Variants in CD247 observed in about 807,000 individuals in gnomAD.
The protein encoded by CD247 is CD247 molecule.
In CD247, 13 loss-of-function variants were observed where a neutral mutation model predicts 30.0. That is an observed-to-expected ratio of 0.43 (90% CI 0.28 to 0.69). The LOEUF is 0.69. Ranked by LOEUF, CD247 falls within the 30% of genes least tolerant of loss-of-function variation. The probability of loss-of-function intolerance (pLI) is 0.16; values close to 1 mark genes in which losing one functional copy is unlikely to be tolerated. For missense variants in CD247, 193 were observed against 212.6 expected (o/e 0.91, Z 0.57); for synonymous variants, 72 against 80.0 (o/e 0.90, Z 0.53).
chr1:167,488,812 T>G (rs1286417190), intron 1 of CD247, among the ~76,000 whole-genome samples: 1 of 152,238 alleles, frequency 6.6e-6, no homozygotes, highest in Non-Finnish European at 1.5e-5. Context: ...TTTCTGCATG[T>G]GCGTGCGTGT....
In CD247 at chr1:167,434,087, G is replaced by T. The variant is rs768383234; in HGVS notation, c.337-11C>A. 1.5e-5 allele frequency: 24 copies of T among 1,612,986 alleles called. No homozygotes were observed. Among genetic ancestry groups the T allele is most frequent in the Non-Finnish European group, 2.0e-5 (23 of 1,179,034 alleles). On this transcript the variant is annotated splice_polypyrimidine_tract_variant and intron_variant, in intron 5 of 7. Coordinates refer to ENST00000362089, the MANE Select transcript of CD247 (RefSeq NM_198053.3). ...ATCTTTCTGCAGTTCCTGCAGAAGA[G>T]GGCGTGGAACACTGATTTTTACCAA...
chr1:167,448,092 C>A (rs1233417808), intron 1 of CD247, among the ~76,000 whole-genome samples: 3 of 152,150 alleles, frequency 2.0e-5, no homozygotes, highest in African/African-American at 7.2e-5. Flanking sequence ...GAATAACTAA[C>A]TTTCACTGCA....
rs1263959423 is a variant in CD247, at chr1:167,438,638, C to G, written c.232G>C (p.Gly78Arg). The G allele has an allele frequency of 1.2e-6, 2 of 1,613,752 alleles. No individual in the cohort carries two copies. Among genetic ancestry groups the G allele is most frequent in the Admixed American group, 1.7e-5 (1 of 60,034 alleles). Reference sequence around the variant, plus strand: ...AAAACATCGTACTCCTCTCTTCGTCCTAGATTGAGCTCCTATAACAGATAA... The same window carrying G: ...AAAACATCGTACTCCTCTCTTCGTCGTAGATTGAGCTCCTATAACAGATAA... ...QNQLYNELNL[G>R]RREEYDVLDK... Residue 78 changes from glycine to arginine, a missense_variant, in exon 4 of 8, where the codon GGA becomes CGA. Coordinates refer to ENST00000362089, the MANE Select transcript of CD247 (RefSeq NM_198053.3).
intron 1 of CD247, among the ~76,000 whole-genome samples, chr1:167,478,085 C>G (rs997583101): frequency 1.3e-5 from 2 of 152,198 alleles, no homozygotes; most frequent in Non-Finnish European, 2.9e-5. Flanking sequence ...GGCAAAGAAT[C>G]AAAAGGCCAG....
chr1:167,496,229 T>C (rs1342028786), intron 1 of CD247, among the ~76,000 whole-genome samples: 1 of 152,214 alleles, frequency 6.6e-6, no homozygotes, highest in Non-Finnish European at 1.5e-5. Context: ...GGTAGGTAGG[T>C]AGGCAGGTAG....
chr1:167,493,940 C>G (rs949344062), intron 1 of CD247, among the ~76,000 whole-genome samples: 8 of 152,134 alleles, frequency 5.3e-5, no homozygotes, highest in Non-Finnish European at 2.9e-5. Flanking sequence ...CACTGGAGAC[C>G]CAAAATACCC....
intron 1 of CD247, among the ~76,000 whole-genome samples, chr1:167,461,826 C>T (rs977089328): frequency 6.2e-5 from 7 of 113,546 alleles, no homozygotes; most frequent in Non-Finnish European, 1.5e-4. Context: ...CCAGCCTGGG[C>T]GACAGGCTCA....
chr1:167,481,660 G>A (rs1182121080), intron 1 of CD247, among the ~76,000 whole-genome samples: 1 of 152,228 alleles, frequency 6.6e-6, no homozygotes, highest in Non-Finnish European at 1.5e-5. Flanking sequence ...ATCCAGCAGT[G>A]AGCACAAGGG....
chr1:167,518,382 C>T (rs1655708163), intron 1 of CD247, 26 bp downstream of exon 1: 2 of 1,612,788 alleles, frequency 1.2e-6, no homozygotes, highest in Admixed American at 1.7e-5. Context: ...TCTAGAAGTT[C>T]CCTGCCGTCG....
rs749806496 is a variant in CD247, at chr1:167,431,673, CCTGGCTGTTAGCGAGGGGG to C, written c.484_*7del. The C allele has an allele frequency of 6.2e-7, 1 of 1,613,348 alleles. No homozygotes were observed. Among genetic ancestry groups the C allele is most frequent in the East Asian group, 2.2e-5 (1 of 44,868 alleles). ...GTCTGGCCTTTGAGTGGTGAAATCC[CCTGGCTGTTAGCGAGGGGG>C]CAGGGCCTGCATGTGAAGGGCGTCG... is the stretch of plus-strand genomic sequence containing the variant. On this transcript the variant is annotated stop_lost and 3_prime_UTR_variant, in exon 8 of 8. Transcript: ENST00000362089.
chr1:167,448,386 C>T (rs577414733), intron 1 of CD247: 1 of 985,450 alleles, frequency 1.0e-6, no homozygotes, highest in Non-Finnish European at 1.2e-6. Context: ...GAGGGGTCCT[C>T]ACCAGGCTGT....
At chr1:167,470,631 GTTTTTTTCTACTGCTTTCC>G (rs1653474868) in intron 1 of CD247, among the ~76,000 whole-genome samples, 1 of 150,660 alleles carries the variant, frequency 6.6e-6, no homozygotes, top group African/African-American at 2.4e-5. Flanking sequence ...TTCTTCTAAT[GTTTTTTTCTACTGCTTTCC>G]TTTTTTTCAA....
At chr1:167,440,297 C>A in intron 2 of CD247, 1 of 335,126 alleles carries the variant, frequency 3.0e-6, no homozygotes, top group South Asian at 2.7e-5. Flanking sequence ...AGGAAAGGGC[C>A]TTTTCAAGAG....
chr1:167,469,899 G>A (rs1473040189), intron 1 of CD247, among the ~76,000 whole-genome samples: 1 of 151,664 alleles, frequency 6.6e-6, no homozygotes, highest in Non-Finnish European at 1.5e-5. Context: ...ATTCATTCTC[G>A]GTACTTTATT....
At chr1:167,518,320 C>T (rs1456598234) in intron 1 of CD247, 88 bp downstream of exon 1, 4 of 1,279,072 alleles carry the variant, frequency 3.1e-6, no homozygotes, top group Non-Finnish European at 4.6e-6. Flanking sequence ...ACCCCAGCCC[C>T]TCACCACCCT....
intron 1 of CD247, among the ~76,000 whole-genome samples, chr1:167,493,771 A>AG (rs1654555421): frequency 6.6e-6 from 1 of 152,220 alleles, no homozygotes; most frequent in South Asian, 2.1e-4. Context: ...ACAGCTAGTT[A>AG]GGGGCAGTGC....
intron 1 of CD247, among the ~76,000 whole-genome samples, chr1:167,473,449 C>CG (rs1205862450): frequency 3.3e-5 from 5 of 152,158 alleles, no homozygotes; most frequent in Non-Finnish European, 7.3e-5. Context: ...GTCATTTAGC[C>CG]GCGCTCACAG....
intron 1 of CD247, among the ~76,000 whole-genome samples, chr1:167,512,568 T>C (rs1323896241): frequency 6.6e-6 from 1 of 152,184 alleles, no homozygotes; most frequent in Non-Finnish European, 1.5e-5. Context: ...AAGTATACAC[T>C]GCAATGTAAT....
intron 1 of CD247, among the ~76,000 whole-genome samples, chr1:167,506,310 CTTTCT>C (rs1558032507): frequency 7.2e-4 from 98 of 136,170 alleles, no homozygotes; most frequent in African/African-American, 2.5e-3. Context: ...TTTTCCTTTC[CTTTCT>C]TTTCTTTTCT....
Sources: gnomAD v4.1 joint callset for allele counts (sites outside exome capture counted in the v4.1 genomes callset) on GRCh38, gnomAD v4.1.1 for gene constraint, MANE v1.5 for transcripts, NCBI Gene and HGNC (gene_info 2026-07-23, HGNC 2026-07-21) for gene names.